UGT2A2: variants seen among roughly 807,000 people sequenced by gnomAD.
UGT2A2 encodes UDP glucuronosyltransferase family 2 member A2.
UGT2A2 carries 60 observed loss-of-function variants against 50.7 expected under a neutral mutation model. That is an observed-to-expected ratio of 1.18 (90% CI 0.96 to 1.47). The LOEUF is 1.47. Ranked by LOEUF, UGT2A2 falls within the 40% of genes most tolerant of loss-of-function variation. The pLI, the probability that UGT2A2 is intolerant of heterozygous loss-of-function variation, is 0.00. For synonymous variants in UGT2A2, 242 were observed against 214.6 expected (o/e 1.13, Z -1.11); for missense variants, 762 against 634.0 (o/e 1.20, Z -2.17).
At chr4:69,608,950 C>A (rs1359011248) in intron 1 of UGT2A2, among the ~76,000 whole-genome samples, 2 of 151,942 alleles carry the variant, frequency 1.3e-5, no homozygotes, top group Admixed American at 6.6e-5. Flanking sequence ...CATAAAAATC[C>A]TTTTTTTAAT....
intron 1 of UGT2A2, among the ~76,000 whole-genome samples, chr4:69,619,007 G>GA (rs1020594212): frequency 6.6e-6 from 1 of 151,520 alleles, no homozygotes; most frequent in African/African-American, 2.4e-5. Flanking sequence ...ATAATATATG[G>GA]AAAAAAGTTA....
At chr4:69,625,780 G>T (rs1239060547) in intron 1 of UGT2A2, among the ~76,000 whole-genome samples, 2 of 151,314 alleles carry the variant, frequency 1.3e-5, no homozygotes, top group Non-Finnish European at 3.0e-5. Flanking sequence ...AAAAGCCCCA[G>T]GCAGGAAGAC....
intron 1 of UGT2A2, among the ~76,000 whole-genome samples, chr4:69,613,620 A>G (rs1314526117): frequency 6.6e-6 from 1 of 152,074 alleles, no homozygotes; most frequent in Non-Finnish European, 1.5e-5. Context: ...TAAAAAGATC[A>G]TTCATCATTA....
At chr4:69,635,445 T>C (rs1485846693) in intron 1 of UGT2A2, among the ~76,000 whole-genome samples, 2 of 152,204 alleles carry the variant, frequency 1.3e-5, no homozygotes, top group Admixed American at 6.5e-5. Flanking sequence ...GGGCTTAACC[T>C]TTCTATTGCT....
At chr4:69,621,679 C>T (rs111268136) in intron 1 of UGT2A2, among the ~76,000 whole-genome samples, 6,221 of 151,948 alleles carry the variant, frequency 0.041, 151 homozygotes, top group East Asian at 0.069. Flanking sequence ...ATAAATCATT[C>T]TATCATAAAG....
intron 1 of UGT2A2, among the ~76,000 whole-genome samples, chr4:69,607,199 T>TGGTACTGGTACCAAAACAGCAA (rs1719682707): frequency 6.7e-6 from 1 of 150,322 alleles, no homozygotes; most frequent in Non-Finnish European, 1.5e-5. Context: ...CAAAACAGCA[T>TGGTACTGGTACCAAAACAGCAA]GGTACTGGTA....
At chr4:69,623,524 G>A (rs1201003908) in intron 1 of UGT2A2, among the ~76,000 whole-genome samples, 1 of 151,252 alleles carries the variant, frequency 6.6e-6, no homozygotes, top group Non-Finnish European at 1.5e-5. Flanking sequence ...TAACAGAATA[G>A]TTTATATAAA....
At chr4:69,599,427 AT>A (rs1719127997) in intron 1 of UGT2A2, 33 bp from the exon 2 acceptor site, 1 of 1,605,992 alleles carries the variant, frequency 6.2e-7, no homozygotes, top group African/African-American at 1.3e-5. Flanking sequence ...GATGGAGGAA[AT>A]TAGCTTATAT....
At chr4:69,611,468 T>G (rs1203102389) in intron 1 of UGT2A2, among the ~76,000 whole-genome samples, 1 of 151,950 alleles carries the variant, frequency 6.6e-6, no homozygotes, top group African/African-American at 2.4e-5. Flanking sequence ...AATAAATGTA[T>G]GCACACACTA....
At chr4:69,637,912 C>A (rs1446195026) in intron 1 of UGT2A2, among the ~76,000 whole-genome samples, 3 of 121,252 alleles carry the variant, frequency 2.5e-5, no homozygotes, top group Admixed American at 8.8e-5. Flanking sequence ...AGAAGGAAGG[C>A]AGGCAGGCAG....
intron 1 of UGT2A2, among the ~76,000 whole-genome samples, chr4:69,622,642 C>A (rs11249452): frequency 0.35 from 53,251 of 151,252 alleles, 9,729 homozygotes; most frequent in African/African-American, 0.43. Flanking sequence ...TTCTTGGTCT[C>A]GAGGCTCAAA....
intron 5 of UGT2A2, among the ~76,000 whole-genome samples, chr4:69,592,067 T>C (rs1718624369): frequency 6.6e-6 from 1 of 151,946 alleles, no homozygotes; most frequent in African/African-American, 2.4e-5. Flanking sequence ...AACTGTTGAG[T>C]GTCTTTCTTT....
At position 69,606,575 on chromosome 4, in the gene UGT2A2, C is replaced by T. The variant is rs1273312467; in HGVS notation, c.743-7181G>A. On this transcript the variant is annotated intron_variant, in intron 1 of 5. Coordinates refer to ENST00000604629, the MANE Select transcript of UGT2A2 (RefSeq NM_001105677.2). ...ATAGTGTTGGAAGTTCTGGCCAGTG[C>T]AATCAGGCAGGAGAAGGAAATAAAG... Among the ~76,000 whole-genome samples the T allele has an allele frequency of 1.2e-4, 17 of 136,050 alleles. 3 individuals are homozygous for T. Among genetic ancestry groups the T allele is most frequent in the Admixed American group, 1.2e-3 (16 of 13,840 alleles). 89.3% of individuals were successfully genotyped at this position (136,050 alleles called of 152,430 possible).
At chr4:69,595,885 T>C (rs1381566020) in intron 3 of UGT2A2, among the ~76,000 whole-genome samples, 5 of 152,222 alleles carry the variant, frequency 3.3e-5, no homozygotes, top group Admixed American at 3.3e-4. Flanking sequence ...GCTTTGTGTT[T>C]ACACTCTCTT....
chr4:69,613,608 A>C (rs938775937), intron 1 of UGT2A2, among the ~76,000 whole-genome samples: 1 of 152,178 alleles, frequency 6.6e-6, no homozygotes, highest in African/African-American at 2.4e-5. Context: ...TCAACAACAT[A>C]TTAAAAAGAT....
chr4:69,591,878 CA>C (rs567879456), intron 5 of UGT2A2, among the ~76,000 whole-genome samples: 52 of 152,140 alleles, frequency 3.4e-4, no homozygotes, highest in African/African-American at 1.2e-3. Context: ...TCATTAAAGT[CA>C]AAAAAAGATC....
At chr4:69,623,403 G>T (rs1577981638) in intron 1 of UGT2A2, among the ~76,000 whole-genome samples, 2 of 151,688 alleles carry the variant, frequency 1.3e-5, no homozygotes, top group Admixed American at 6.6e-5. Context: ...ACACCACAAA[G>T]GCAGTGGATA....
chr4:69,615,658 T>C (rs924944873), intron 1 of UGT2A2, among the ~76,000 whole-genome samples: 1 of 151,782 alleles, frequency 6.6e-6, no homozygotes, highest in African/African-American at 2.4e-5. Context: ...AAAACTATAA[T>C]GAGATATCAT....
intron 1 of UGT2A2, among the ~76,000 whole-genome samples, chr4:69,637,598 T>C (rs1206200674): frequency 6.6e-6 from 1 of 152,164 alleles, no homozygotes; most frequent in African/African-American, 2.4e-5. Context: ...TTTCATTTGA[T>C]ACTTTCTCTG....
Sources: gnomAD v4.1 joint callset for allele counts (sites outside exome capture counted in the v4.1 genomes callset) on GRCh38, gnomAD v4.1.1 for gene constraint, MANE v1.5 for transcripts, NCBI Gene and HGNC (gene_info 2026-07-23, HGNC 2026-07-21) for gene names.